The following RARB variants were observed in gnomAD, a reference collection of about 807,000 sequenced individuals.
RARB encodes retinoic acid receptor beta.
A neutral mutation model predicts 51.9 loss-of-function variants in RARB; 17 were observed. The ratio of observed to expected loss-of-function variants is 0.33; its 90% CI spans 0.22 to 0.49. The LOEUF (loss-of-function observed/expected upper bound fraction) is 0.49. Ranked by LOEUF, RARB falls within the 20% of genes least tolerant of loss-of-function variation. The pLI is 0.99. For missense variants in RARB, 369 were observed against 550.8 expected (o/e 0.67, Z 3.30); for synonymous variants, 215 against 195.4 (o/e 1.10, Z -0.84).
chr3:24,867,025 G>C (rs560269755), intron 2 of RARB, among the ~76,000 whole-genome samples: 236 of 152,182 alleles, frequency 1.6e-3, no homozygotes, highest in Middle Eastern at 3.4e-3. Flanking sequence ...TTGGTCATCA[G>C]ATATGCAAAA....
upstream of RARB, among the ~76,000 whole-genome samples, chr3:25,425,135 CAAG>C (rs1707955576): frequency 6.6e-6 from 1 of 152,126 alleles, no homozygotes; most frequent in African/African-American, 2.4e-5. Flanking sequence ...TATGCCATAA[CAAG>C]AAGATATTTG....
At chr3:24,917,619 C>T (rs1372240069) in intron 2 of RARB, among the ~76,000 whole-genome samples, 1 of 152,242 alleles carries the variant, frequency 6.6e-6, no homozygotes, top group Non-Finnish European at 1.5e-5. Flanking sequence ...CAACCTCTGC[C>T]TCCTGGGTTC....
chr3:25,271,657 T>G (rs1703260605), intron 5 of RARB, among the ~76,000 whole-genome samples: 1 of 152,226 alleles, frequency 6.6e-6, no homozygotes, highest in Non-Finnish European at 1.5e-5. Flanking sequence ...ATACTTGCTA[T>G]TCCCAAAACT....
chr3:25,025,668 G>A (rs924807669), intron 2 of RARB, among the ~76,000 whole-genome samples: 2 of 152,176 alleles, frequency 1.3e-5, no homozygotes, highest in Non-Finnish European at 2.9e-5. Context: ...AGAGGGACCA[G>A]CTGCCAGGAG....
At chr3:25,222,389 G>A (rs1411904031) in intron 5 of RARB, among the ~76,000 whole-genome samples, 11 of 151,918 alleles carry the variant, frequency 7.2e-5, no homozygotes, top group Non-Finnish European at 1.3e-4. Flanking sequence ...TCATTTCTTC[G>A]GGTACGTAAC....
intron 5 of RARB, among the ~76,000 whole-genome samples, chr3:25,384,003 T>C (rs1575360037): frequency 2.6e-5 from 4 of 152,294 alleles, no homozygotes; most frequent in African/African-American, 9.6e-5. Flanking sequence ...TACACAGATC[T>C]GTAAGATCAT....
chr3:25,048,142 C>G lies in RARB; in HGVS notation c.-379-11983C>G, dbSNP rs555387175. Among the ~76,000 whole-genome samples the G allele has an allele frequency of 5.3e-5, 8 of 152,292 alleles. No homozygotes were observed. The South Asian group carries it at 1.7e-3, about 32-fold the overall frequency. On this transcript the variant is annotated intron_variant, in intron 2 of 11. Coordinates refer to the RARB transcript ENST00000383772. The stretch of plus-strand genomic sequence containing the variant: ...AAACCTCTTTTTTATGTAAATTACC[C>G]ATTCTCAGGTATGTCTTTATTGGCA...
intron 2 of RARB, among the ~76,000 whole-genome samples, chr3:25,472,028 C>T (rs925340313): frequency 2.0e-5 from 3 of 152,172 alleles, no homozygotes; most frequent in Non-Finnish European, 4.4e-5. Flanking sequence ...CTATGTAAAA[C>T]CATGGAAATA....
chr3:24,899,343 C>T (rs1322286218), intron 2 of RARB, among the ~76,000 whole-genome samples: 1 of 152,116 alleles, frequency 6.6e-6, no homozygotes, highest in Admixed American at 6.5e-5. Flanking sequence ...GCTTGAGAAC[C>T]ACGAAGGAGT....
intron 1 of RARB, among the ~76,000 whole-genome samples, chr3:25,454,053 C>T (rs1230643317): frequency 6.6e-6 from 1 of 152,180 alleles, no homozygotes; most frequent in Non-Finnish European, 1.5e-5. Context: ...AAAAGCAGAT[C>T]CTCTCCTGAA....
intron 1 of RARB, among the ~76,000 whole-genome samples, chr3:24,841,236 T>G (rs1172141810): frequency 6.6e-6 from 1 of 152,206 alleles, no homozygotes; most frequent in African/African-American, 2.4e-5. Context: ...GTGTTATCTC[T>G]AAAAATATTA....
intron 5 of RARB, among the ~76,000 whole-genome samples, chr3:25,188,405 A>C (rs1701024501): frequency 6.6e-6 from 1 of 152,164 alleles, no homozygotes; most frequent in Non-Finnish European, 1.5e-5. Flanking sequence ...TATTCGGCTG[A>C]ACCAAATATC....
At chr3:24,906,279 T>C (rs1694862404) in intron 2 of RARB, among the ~76,000 whole-genome samples, 1 of 152,156 alleles carries the variant, frequency 6.6e-6, no homozygotes, top group Non-Finnish European at 1.5e-5. Flanking sequence ...AGGGCTGGAA[T>C]GATGGCTGGG....
intron 2 of RARB, among the ~76,000 whole-genome samples, chr3:24,891,893 T>C (rs1262452012): frequency 6.6e-6 from 1 of 152,094 alleles, no homozygotes; most frequent in African/African-American, 2.4e-5. Flanking sequence ...GGGTTCAACT[T>C]TCCTAAGCCC....
intron 2 of RARB, among the ~76,000 whole-genome samples, chr3:24,946,857 A>G (rs1208135496): frequency 6.6e-6 from 1 of 152,158 alleles, no homozygotes; most frequent in Non-Finnish European, 1.5e-5. Flanking sequence ...AGGGTGAGAC[A>G]CTGTCAATCA....
intron 3 of RARB, among the ~76,000 whole-genome samples, chr3:25,567,040 G>C (rs1033552478): frequency 1.3e-5 from 2 of 152,168 alleles, no homozygotes; most frequent in African/African-American, 4.8e-5. Context: ...GTGTTTTAAT[G>C]TAGCTGTAGG....
At chr3:25,421,277 C>G (rs1707850777) in intron 5 of RARB, among the ~76,000 whole-genome samples, 1 of 151,764 alleles carries the variant, frequency 6.6e-6, no homozygotes, top group South Asian at 2.1e-4. Flanking sequence ...AATGTGCATT[C>G]TGGTTGAAAA....
At chr3:25,581,051 G>A (rs976384484) in intron 5 of RARB, among the ~76,000 whole-genome samples, 1 of 152,028 alleles carries the variant, frequency 6.6e-6, no homozygotes, top group Non-Finnish European at 1.5e-5. Context: ...ATGCTCTCAG[G>A]ACCCCTGGCA....
At chr3:24,919,417 C>G (rs1232527226) in intron 2 of RARB, among the ~76,000 whole-genome samples, 1 of 151,890 alleles carries the variant, frequency 6.6e-6, no homozygotes, top group Non-Finnish European at 1.5e-5. Context: ...TGCCAATCAT[C>G]GAGTTTTGGC....
Sources: gnomAD v4.1 joint callset for allele counts (sites outside exome capture counted in the v4.1 genomes callset) on GRCh38, gnomAD v4.1.1 for gene constraint, MANE v1.5 for transcripts, NCBI Gene and HGNC (gene_info 2026-07-23, HGNC 2026-07-21) for gene names.